The following MRPS6 variants were observed in gnomAD, a reference collection of about 807,000 sequenced individuals.
MRPS6 encodes mitochondrial ribosomal protein S6, also known as small ribosomal subunit protein bS6m.
In MRPS6, 6 loss-of-function variants were observed where a neutral mutation model predicts 13.1. The ratio of observed to expected loss-of-function variants is 0.46; its 90% CI spans 0.25 to 0.91. MRPS6 has a LOEUF of 0.91. MRPS6 is among the 40% of genes least tolerant of loss of function. The pLI, the probability that MRPS6 is intolerant of heterozygous loss-of-function variation, is 0.18. For synonymous variants in MRPS6, 61 were observed against 56.5 expected (o/e 1.08, Z -0.36); for missense variants, 164 against 155.6 (o/e 1.05, Z -0.29).
chr21:34,134,031 G>A (rs1033670087), intron 2 of MRPS6, among the ~76,000 whole-genome samples: 1 of 152,212 alleles, frequency 6.6e-6, no homozygotes, highest in Admixed American at 6.5e-5. Context: ...TTATTGTGGG[G>A]CAAGGGGAGT....
At chr21:34,118,665 C>A (rs1980016082) in intron 1 of MRPS6, among the ~76,000 whole-genome samples, 1 of 151,476 alleles carries the variant, frequency 6.6e-6, no homozygotes, top group Admixed American at 6.6e-5. Context: ...CAGGCATACA[C>A]CACCACGCCT....
chr21:34,089,398 ATAAAAGT>A (rs1403377486), intron 1 of MRPS6, among the ~76,000 whole-genome samples: 1 of 151,776 alleles, frequency 6.6e-6, no homozygotes, highest in African/African-American at 2.4e-5. Context: ...TATCATTCAC[ATAAAAGT>A]TAAAACCAGT....
intron 2 of MRPS6, among the ~76,000 whole-genome samples, chr21:34,127,869 G>A (rs1307647813): frequency 2.0e-5 from 3 of 152,202 alleles, no homozygotes; most frequent in African/African-American, 7.2e-5. Flanking sequence ...AAGAAACAGT[G>A]GTTTTATTGG....
intron 2 of MRPS6, among the ~76,000 whole-genome samples, chr21:34,137,313 G>C (rs151044909): frequency 9.3e-4 from 142 of 152,258 alleles, no homozygotes; most frequent in Non-Finnish European, 1.3e-3. Context: ...CCGTGAACAA[G>C]ATATACCTGA....
intron 1 of MRPS6, among the ~76,000 whole-genome samples, chr21:34,109,785 G>A (rs1183918806): frequency 6.6e-6 from 1 of 150,616 alleles, no homozygotes; most frequent in Admixed American, 6.6e-5. Flanking sequence ...GTTTCTTCTC[G>A]TATTCTTGTA....
At chr21:34,097,144 A>G (rs1247290438) in intron 1 of MRPS6, 5 of 1,613,962 alleles carry the variant, frequency 3.1e-6, no homozygotes, top group Non-Finnish European at 4.2e-6. Flanking sequence ...AAAGAAACGG[A>G]TGATGGAGGT....
chr21:34,128,354 C>T (rs936384140), intron 2 of MRPS6, among the ~76,000 whole-genome samples: 2 of 152,080 alleles, frequency 1.3e-5, no homozygotes, highest in Non-Finnish European at 2.9e-5. Context: ...TTCTCCCATG[C>T]CCAGCCCCCT....
chr21:34,073,659 G>A lies in MRPS6; in HGVS notation c.-42G>A. 1 of 1,509,420 alleles carries A rather than the reference G, an allele frequency of 6.6e-7. No homozygotes were observed. The highest frequency in any genetic ancestry group is 2.7e-5 in the East Asian group (1 of 36,822). The allele number at this position is 1,509,420 out of a possible 1,614,324, so 93.5% of individuals were successfully genotyped here. ...GCCGTCCCGCCCCTTCGCGTCCCGGGAACCGGCTGGCTTCCGAGCCGCACT... is the reference window on the plus strand; with the variant it reads ...GCCGTCCCGCCCCTTCGCGTCCCGGAAACCGGCTGGCTTCCGAGCCGCACT... On this transcript the variant is annotated 5_prime_UTR_variant, in exon 1 of 3. Transcript: ENST00000399312.
chr21:34,098,529 G>C (rs1179047383), intron 1 of MRPS6: 2 of 1,000,012 alleles, frequency 2.0e-6, no homozygotes, highest in Non-Finnish European at 2.4e-6. Flanking sequence ...TAGTGACTTA[G>C]AGCATAAGGA....
At chr21:34,121,184 G>A (rs558907120) in intron 1 of MRPS6, among the ~76,000 whole-genome samples, 1 of 152,276 alleles carries the variant, frequency 6.6e-6, no homozygotes, top group African/African-American at 2.4e-5. Flanking sequence ...AGGAGAACTG[G>A]GGGATGGAGG....
rs774828637 is a variant in MRPS6 at position 34,107,642 on chromosome 21, T to C, written c.46-17699T>C. 1.2e-4 allele frequency among the ~76,000 whole-genome samples: 18 copies of C among 152,218 alleles called. 1 individual carries two copies. The highest frequency in any genetic ancestry group is 2.1e-4 in the Non-Finnish European group (14 of 68,032). ...TCTAGCCTTTTTTTGATGGGGAGGA[T>C]ACTGTACTCAAGAGCTTCCCCTTTT... is the stretch of plus-strand genomic sequence containing the variant. On this transcript the variant is annotated intron_variant, in intron 1 of 2. Transcript: ENST00000399312.
At chr21:34,090,752 T>G (rs1474244723) in intron 1 of MRPS6, among the ~76,000 whole-genome samples, 1 of 152,206 alleles carries the variant, frequency 6.6e-6, no homozygotes, top group Non-Finnish European at 1.5e-5. Context: ...TGGTTTCATT[T>G]TAAAAGCCAG....
intron 1 of MRPS6, chr21:34,106,124 T>C: frequency 1.0e-6 from 1 of 997,580 alleles, no homozygotes; most frequent in Non-Finnish European, 1.2e-6. Flanking sequence ...CAAAAGTATT[T>C]GGAAACTTAA....
chr21:34,104,383 C>T (rs1003660123), intron 1 of MRPS6: 27 of 1,000,018 alleles, frequency 2.7e-5, no homozygotes, highest in Admixed American at 6.2e-5. Flanking sequence ...ACTTCACCTC[C>T]GAGTAGCTTG....
intron 1 of MRPS6, among the ~76,000 whole-genome samples, chr21:34,076,103 G>A (rs1989323981): frequency 6.6e-6 from 1 of 152,098 alleles, no homozygotes; most frequent in Non-Finnish European, 1.5e-5. Context: ...TGTGCATCTT[G>A]GAATTGAGGA....
intron 1 of MRPS6, chr21:34,098,094 T>G: frequency 1.0e-6 from 1 of 999,352 alleles, no homozygotes; most frequent in Non-Finnish European, 1.2e-6. Context: ...GTTAAATGAT[T>G]ATGGGGGAGA....
intron 1 of MRPS6, among the ~76,000 whole-genome samples, chr21:34,083,179 G>A (rs1370826183): frequency 6.6e-6 from 1 of 152,142 alleles, no homozygotes; most frequent in Non-Finnish European, 1.5e-5. Flanking sequence ...TATGGTAGCC[G>A]GGTTGCTGTG....
Position 34,076,352 on chromosome 21 carries a change from G to A in MRPS6, c.45+2607G>A, listed in dbSNP as rs980248621. Among the ~76,000 whole-genome samples, 2 of 152,274 alleles carry A rather than the reference G, an allele frequency of 1.3e-5. 1 individual carries two copies. The highest frequency in any genetic ancestry group is 4.1e-4 in the South Asian group (2 of 4,834). ...TTTTAAAATTTAAAATACAGGCCCT[G>A]TGTTGGCTGTCACAGTATCTGGATT... On this transcript the variant is annotated intron_variant, in intron 1 of 2. Coordinates refer to ENST00000399312, the MANE Select transcript of MRPS6 (RefSeq NM_032476.4).
At position 34,132,149 on chromosome 21, in the gene MRPS6, G is replaced by GCCTGGGAGAGACATCTTGGTTC; in HGVS notation, c.185+6679_185+6700dup. Among the ~76,000 whole-genome samples, 2 of 152,166 alleles carry GCCTGGGAGAGACATCTTGGTTC rather than the reference G, an allele frequency of 1.3e-5. 1 individual carries two copies. The highest frequency in any genetic ancestry group is 3.8e-4 in the East Asian group (2 of 5,202). On this transcript the variant is annotated intron_variant, in intron 2 of 2. Transcript: ENST00000399312. ...TGGACTTCTGGTCAGTTCTCTTGTG[G>GCCTGGGAGAGACATCTTGGTTC]CCTGGGAGAGACATCTTGGTTCCCT... is the stretch of plus-strand genomic sequence containing the variant.
Sources: gnomAD v4.1 joint callset for allele counts (sites outside exome capture counted in the v4.1 genomes callset) on GRCh38, gnomAD v4.1.1 for gene constraint, MANE v1.5 for transcripts, NCBI Gene and HGNC (gene_info 2026-07-23, HGNC 2026-07-21) for gene names.